The following CALD1 variants were observed in gnomAD, a reference collection of about 807,000 sequenced individuals.
The protein encoded by CALD1 is caldesmon 1, also known as caldesmon.
Under a neutral mutation model 99.9 loss-of-function variants are expected in CALD1, and 33 were observed. That is an observed-to-expected ratio of 0.33 (90% CI 0.25 to 0.44). The LOEUF is 0.44. Among genes scored for constraint, CALD1 ranks in the 20% least tolerant of loss-of-function variants. The pLI, the probability that CALD1 is intolerant of heterozygous loss-of-function variation, is 1.00. For missense variants in CALD1, 861 were observed against 962.1 expected, an observed-to-expected ratio of 0.89 and a Z score of 1.39; for synonymous variants, 310 against 325.0, an observed-to-expected ratio of 0.95 and a Z score of 0.50.
At chr7:134,895,943 T>C (rs1802541324) in intron 3 of CALD1, among the ~76,000 whole-genome samples, 2 of 152,240 alleles carry the variant, frequency 1.3e-5, no homozygotes, top group South Asian at 4.1e-4. Flanking sequence ...TGCTCTGTCC[T>C]GTCTCATCCT....
At chr7:134,925,950 T>C (rs1431062080) in intron 3 of CALD1, among the ~76,000 whole-genome samples, 1 of 152,180 alleles carries the variant, frequency 6.6e-6, no homozygotes, top group African/African-American at 2.4e-5. Context: ...GGATTGATTC[T>C]CCCTGTTGCG....
At position 134,953,665 on chromosome 7, in the gene CALD1, TTTTG is replaced by T. The variant is rs1295155685; in HGVS notation, c.1935+3155_1935+3158del. On this transcript the variant is annotated intron_variant, in intron 9 of 14. Coordinates refer to ENST00000361675, the MANE Select transcript of CALD1 (RefSeq NM_033138.4). ...TCCAAATTCTACTGTGGTTTTTTTT[TTTTG>T]TTTTTTTTTTTCAGGAGAAACTACA... Among the ~76,000 whole-genome samples the T allele has an allele frequency of 5.7e-4, 75 of 131,624 alleles. 2 individuals are homozygous for T. The South Asian group carries it at 0.012, about 21-fold the overall frequency. 86.4% of individuals were successfully genotyped at this position (131,624 alleles called of 152,430 possible).
chr7:134,716,721 G>A, the CALD1 span, among the ~76,000 whole-genome samples: 2 of 152,132 alleles, frequency 1.3e-5, no homozygotes, highest in East Asian at 3.8e-4. Context: ...AAAGATGACA[G>A]CATCTTTCAA....
At chr7:134,784,574 T>C (rs903629959) in intron 1 of CALD1, among the ~76,000 whole-genome samples, 1 of 152,142 alleles carries the variant, frequency 6.6e-6, no homozygotes, top group Non-Finnish European at 1.5e-5. Context: ...TGAAGTAGTG[T>C]ATGGATGAAT....
intron 2 of CALD1, among the ~76,000 whole-genome samples, chr7:134,852,611 G>A (rs945256617): frequency 5.6e-4 from 85 of 152,126 alleles, no homozygotes; most frequent in Non-Finnish European, 2.9e-5. Context: ...TCATTGAATG[G>A]AGACAGTAGT....
intron 7 of CALD1, chr7:134,944,640 G>T (rs924635030): frequency 3.3e-5 from 5 of 152,044 alleles, no homozygotes; most frequent in Admixed American, 2.0e-4. Flanking sequence ...TTCTTTACAT[G>T]TAGTAAATGA....
chr7:134,732,440 G>A, the CALD1 span, among the ~76,000 whole-genome samples: 6 of 152,254 alleles, frequency 3.9e-5, no homozygotes, highest in South Asian at 2.1e-4. Flanking sequence ...CAGAGCCCTC[G>A]TGAATAGGAT....
chr7:134,864,248 G>A (rs1586144201), intron 2 of CALD1, among the ~76,000 whole-genome samples: 1 of 151,122 alleles, frequency 6.6e-6, no homozygotes, highest in Middle Eastern at 3.4e-3. Context: ...TCAGGAGGCT[G>A]AAGCAGGAGA....
At chr7:134,917,457 T>G (rs143228363) in intron 3 of CALD1, among the ~76,000 whole-genome samples, 305 of 152,260 alleles carry the variant, frequency 2.0e-3, no homozygotes, top group African/African-American at 6.9e-3. Context: ...CAAGAGATTC[T>G]CCTGCCTCAG....
chr7:134,829,112 G>A (rs1265928689), intron 1 of CALD1, among the ~76,000 whole-genome samples: 1 of 152,212 alleles, frequency 6.6e-6, no homozygotes, highest in Non-Finnish European at 1.5e-5. Flanking sequence ...GCAAAGTGCT[G>A]AGGAATCATT....
At position 134,941,155 on chromosome 7, in the gene CALD1, C is replaced by T; in HGVS notation, c.1450C>T (p.Arg484Ter). ...PKEEVKSFMD[R>*]KKGFTEVKSQ... ...AGAAGAAGTTAAGAGCTTCATGGAT[C>T]GAAAGAAGGGATTTACAGAAGTTAA... is the stretch of plus-strand genomic sequence containing the variant. The change falls in exon 7 of 15, where the codon CGA (arginine) becomes TGA (stop). Residue 484 changes from arginine (R) to a stop codon, truncating the protein, a stop_gained. Coordinates refer to ENST00000361675, the MANE Select transcript of CALD1 (RefSeq NM_033138.4). LOFTEE classifies it high-confidence loss of function. 6.2e-7 allele frequency: 1 copy of T among 1,612,338 alleles called. No homozygotes were observed. The highest frequency in any genetic ancestry group is 8.5e-7 in the Non-Finnish European group (1 of 1,178,956).
chr7:134,788,470 C>A (rs923458617), intron 1 of CALD1, among the ~76,000 whole-genome samples: 1 of 152,176 alleles, frequency 6.6e-6, no homozygotes, highest in Non-Finnish European at 1.5e-5. Flanking sequence ...CTAAGGGATG[C>A]GGTGGTAAAA....
At chr7:134,917,979 A>G (rs1366083092) in intron 3 of CALD1, among the ~76,000 whole-genome samples, 1 of 152,212 alleles carries the variant, frequency 6.6e-6, no homozygotes, top group Non-Finnish European at 1.5e-5. Context: ...GTAAACATTT[A>G]TAAATTAAAA....
At chr7:134,824,457 CCTT>C (rs545192864) in intron 1 of CALD1, among the ~76,000 whole-genome samples, 102 of 151,940 alleles carry the variant, frequency 6.7e-4, no homozygotes, top group African/African-American at 2.2e-3. Context: ...TCCTTCTTCT[CCTT>C]CTTCTCCTTC....
At chr7:134,949,201 C>CT (rs1426601490) in intron 8 of CALD1, among the ~76,000 whole-genome samples, 1 of 152,098 alleles carries the variant, frequency 6.6e-6, no homozygotes, top group African/African-American at 2.4e-5. Context: ...TCAGGAAAGG[C>CT]TGAAGAGAAA....
intron 3 of CALD1, among the ~76,000 whole-genome samples, chr7:134,896,255 T>C (rs1447335063): frequency 2.6e-5 from 4 of 152,218 alleles, no homozygotes; most frequent in Non-Finnish European, 5.9e-5. Context: ...CTGCAGAAAG[T>C]AAATTTTGCC....
At chr7:134,776,805 A>G (rs1796922282), upstream of CALD1, among the ~76,000 whole-genome samples, 1 of 152,208 alleles carries the variant, frequency 6.6e-6, no homozygotes, top group South Asian at 2.1e-4. Flanking sequence ...GAATTAAAAA[A>G]ATGGCCTATT....
rs558099957 is a variant in CALD1, at chr7:134,933,302, G to A, written c.533G>A (p.Arg178Lys). Residue 178 changes from arginine to lysine, a missense_variant, in exon 5 of 15, where the codon AGG (arginine) becomes AAG (lysine). Arg to Lys is a conservative substitution (Grantham distance 26). This residue lies in a region of CALD1 where 234 missense variants were observed against 233.1 expected (regional missense o/e 1.00). Transcript: ENST00000361675. ...AAGTCCTACCAGAAGAATGATTGGA[G>A]GGATGCTGAAGAAAACAAGAAAGAA... ...VTKSYQKNDW[R>K]DAEENKKEDK... 1 of 1,604,454 alleles carries A rather than the reference G, an allele frequency of 6.2e-7. No individual in the cohort carries two copies. Among genetic ancestry groups the A allele is most frequent in the African/African-American group, 1.4e-5 (1 of 73,874 alleles).
chr7:134,861,458 C>T (rs1008750472), intron 2 of CALD1, among the ~76,000 whole-genome samples: 2 of 152,178 alleles, frequency 1.3e-5, no homozygotes, highest in South Asian at 2.1e-4. Context: ...TTAGGATATA[C>T]ACGACATGCT....
Sources: gnomAD v4.1 joint callset for allele counts (sites outside exome capture counted in the v4.1 genomes callset) on GRCh38, gnomAD v4.1.1 for gene constraint, gnomAD v4.1.1 regional missense constraint, MANE v1.5 for transcripts, NCBI Gene and HGNC (gene_info 2026-07-23, HGNC 2026-07-21) for gene names.